The following CDK14 variants were observed in gnomAD, a reference collection of about 807,000 sequenced individuals.
The protein encoded by CDK14 is cyclin dependent kinase 14.
CDK14 carries 34 observed loss-of-function variants against 60.7 expected under a neutral mutation model. That is an observed-to-expected ratio of 0.56 (90% confidence interval 0.43 to 0.75). CDK14 has a LOEUF of 0.75. Among genes scored for constraint, CDK14 ranks in the 30% least tolerant of loss-of-function variants. CDK14 has a pLI of 0.00. For synonymous variants in CDK14, 197 were observed against 203.7 expected, an observed-to-expected ratio of 0.97 and a Z score of 0.28; for missense variants, 482 against 564.1, an observed-to-expected ratio of 0.85 and a Z score of 1.47.
chr7:91,118,779 C>G (rs1425146542), intron 14 of CDK14, among the ~76,000 whole-genome samples: 2 of 152,186 alleles, frequency 1.3e-5, no homozygotes, highest in Non-Finnish European at 2.9e-5. Context: ...TTTCTGATTC[C>G]TGTCTGGCTC....
At chr7:90,882,166 A>G (rs1348246309) in intron 6 of CDK14, among the ~76,000 whole-genome samples, 1 of 151,812 alleles carries the variant, frequency 6.6e-6, no homozygotes, top group Non-Finnish European at 1.5e-5. Context: ...ATCAAGATCC[A>G]TCAGTGTGCT....
chr7:91,042,195 G>A (rs1427791352), intron 10 of CDK14, among the ~76,000 whole-genome samples: 1 of 152,082 alleles, frequency 6.6e-6, no homozygotes, highest in Non-Finnish European at 1.5e-5. Context: ...AAGACACGGG[G>A]GCTGAGCATC....
rs568000248 is a variant in CDK14, at chr7:90,895,364, T to C, written c.640-3927T>C. Among the ~76,000 whole-genome samples the C allele has an allele frequency of 9.9e-3, 74 of 7,440 alleles. 1 individual carries two copies. Among genetic ancestry groups the C allele is most frequent in the Non-Finnish European group, 0.012 (42 of 3,598 alleles). The allele number at this position is 7,440 out of a possible 152,430, so 4.9% of individuals were successfully genotyped here. The stretch of plus-strand genomic sequence containing the variant: ...TCCTCTCCTCTCCTCTCCTCACCTC[T>C]CCTCCCCTCCCCTCTCCTCTCCTCT... On this transcript the variant is annotated intron_variant, in intron 6 of 14. Coordinates refer to ENST00000380050, the MANE Select transcript of CDK14 (RefSeq NM_001287135.2).
At chr7:90,963,416 T>TA (rs1456912220) in intron 9 of CDK14, among the ~76,000 whole-genome samples, 1 of 151,108 alleles carries the variant, frequency 6.6e-6, no homozygotes, top group African/African-American at 2.4e-5. Context: ...CCTACAAAAA[T>TA]AAAAAATTAA....
At chr7:90,736,815 C>T (rs575566876) in intron 3 of CDK14, among the ~76,000 whole-genome samples, 26 of 152,102 alleles carry the variant, frequency 1.7e-4, no homozygotes, top group African/African-American at 5.5e-4. Flanking sequence ...CCTTCCCAGC[C>T]GTATACATCT....
rs564958005 is a variant in CDK14, at chr7:91,040,129, G to A, written c.1042-5768G>A. 3.9e-5 allele frequency among the ~76,000 whole-genome samples: 6 copies of A among 152,202 alleles called. No homozygotes were observed. The South Asian group carries it at 1.0e-3, about 26-fold the overall frequency. On this transcript the variant is annotated intron_variant, in intron 10 of 14. Coordinates refer to ENST00000380050, the MANE Select transcript of CDK14 (RefSeq NM_001287135.2). ...CTCACCATCACCCATGAGGCCACTG[G>A]ATCCTGAAACCTTTCTCCTCGCCTT... is the stretch of plus-strand genomic sequence containing the variant.
intron 6 of CDK14, among the ~76,000 whole-genome samples, chr7:90,871,089 G>T (rs2117247565): frequency 6.6e-6 from 1 of 152,182 alleles, no homozygotes; most frequent in Non-Finnish European, 1.5e-5. Flanking sequence ...CATTGTCCTT[G>T]TCCTTGTTCT....
chr7:91,025,644 G>A (rs985345447), intron 10 of CDK14, among the ~76,000 whole-genome samples: 1 of 152,148 alleles, frequency 6.6e-6, no homozygotes, highest in Non-Finnish European at 1.5e-5. Context: ...AGACACAAGT[G>A]GCTCTGTTTG....
intron 4 of CDK14, among the ~76,000 whole-genome samples, chr7:90,751,586 C>G (rs1300003199): frequency 1.3e-5 from 2 of 152,162 alleles, no homozygotes; most frequent in East Asian, 3.8e-4. Context: ...ACATGGCCCA[C>G]AGATTCTGTA....
intron 10 of CDK14, among the ~76,000 whole-genome samples, chr7:91,027,142 T>C (rs1315346810): frequency 6.6e-6 from 1 of 152,234 alleles, no homozygotes; most frequent in Non-Finnish European, 1.5e-5. Flanking sequence ...GTAACTGTTA[T>C]AATTTCTAGA....
At chr7:91,003,830 A>G (rs1795907874) in intron 10 of CDK14, among the ~76,000 whole-genome samples, 1 of 152,170 alleles carries the variant, frequency 6.6e-6, no homozygotes, top group Non-Finnish European at 1.5e-5. Context: ...ATTGGAGAAA[A>G]TAGAAAATGA....
At chr7:91,160,744 A>G (rs991749978) in intron 14 of CDK14, among the ~76,000 whole-genome samples, 6 of 152,004 alleles carry the variant, frequency 3.9e-5, no homozygotes, top group African/African-American at 1.4e-4. Context: ...TTACTTTATT[A>G]TAATATATTT....
In CDK14 at chr7:90,704,059, C is replaced by A. The variant is rs560862464; in HGVS notation, c.124-22508C>A. On this transcript the variant is annotated intron_variant, in intron 2 of 14. Transcript: ENST00000380050. ...TGTAACTCATAATCGTGCCGCTGTA[C>A]TTCAGCCTGGGCAACAGAGTGAGAC... 9.9e-5 allele frequency among the ~76,000 whole-genome samples: 15 copies of A among 152,276 alleles called. No homozygotes were observed. The South Asian group carries it at 3.1e-3, about 32-fold the overall frequency.
chr7:91,037,909 A>G (rs914220715), intron 10 of CDK14, among the ~76,000 whole-genome samples: 19 of 152,208 alleles, frequency 1.2e-4, no homozygotes, highest in African/African-American at 4.1e-4. Context: ...AGGTCATAGG[A>G]TTAAGGTACT....
intron 6 of CDK14, among the ~76,000 whole-genome samples, chr7:90,889,453 A>G (rs1485558288): frequency 2.6e-5 from 4 of 152,242 alleles, no homozygotes; most frequent in African/African-American, 4.8e-5. Flanking sequence ...CTGCCCGTAC[A>G]TTTTGGATTC....
At chr7:90,942,726 G>C (rs147159647) in intron 8 of CDK14, among the ~76,000 whole-genome samples, 1 of 152,246 alleles carries the variant, frequency 6.6e-6, no homozygotes, top group African/African-American at 2.4e-5. Flanking sequence ...ACATGGCTCT[G>C]CTAAAACATG....
chr7:90,917,825 A>C, intron 8 of CDK14, 101 bp downstream of exon 8: 1 of 1,167,952 alleles, frequency 8.6e-7, no homozygotes, highest in Admixed American at 2.4e-5. Flanking sequence ...CTATCATCAT[A>C]GATCCTGGTA....
At chr7:91,163,378 A>C (rs992755305) in intron 14 of CDK14, among the ~76,000 whole-genome samples, 2 of 152,226 alleles carry the variant, frequency 1.3e-5, no homozygotes, top group Non-Finnish European at 2.9e-5. Flanking sequence ...ACGGTGTTGC[A>C]ATGTAAGCGT....
intron 4 of CDK14, among the ~76,000 whole-genome samples, chr7:90,789,147 A>G (rs1380216797): frequency 1.3e-5 from 2 of 152,220 alleles, no homozygotes; most frequent in African/African-American, 4.8e-5. Flanking sequence ...TCATTGTAGT[A>G]GCAAAATTTG....
Sources: gnomAD v4.1 joint callset for allele counts (sites outside exome capture counted in the v4.1 genomes callset) on GRCh38, gnomAD v4.1.1 for gene constraint, MANE v1.5 for transcripts, NCBI Gene and HGNC (gene_info 2026-07-23, HGNC 2026-07-21) for gene names.